CYP2R1: variants seen among roughly 807,000 people sequenced by gnomAD.
The protein encoded by CYP2R1 is cytochrome P450 family 2 subfamily R member 1.
In CYP2R1, 40 loss-of-function variants were observed where a neutral mutation model predicts 45.7. The ratio of observed to expected loss-of-function variants is 0.87; its 90% CI spans 0.68 to 1.14. The LOEUF (loss-of-function observed/expected upper bound fraction) is 1.14. Ranked by LOEUF, CYP2R1 falls within the 50% of genes most tolerant of loss-of-function variation. The pLI is 0.00. For missense variants in CYP2R1, 605 were observed against 602.6 expected (o/e 1.00, Z -0.04); for synonymous variants, 234 against 219.3 (o/e 1.07, Z -0.59).
chr11:14,877,509 G>A lies in CYP2R1; in HGVS notation c.*613C>T, dbSNP rs1206150280. ...AACTGCTATGAAGATGGACACTCAG[G>A]GTCACACAGACCCTCATTTATAAGA... On this transcript the variant is annotated 3_prime_UTR_variant, in exon 5 of 5. Coordinates refer to ENST00000334636, the MANE Select transcript of CYP2R1 (RefSeq NM_024514.5). The A allele has an allele frequency of 6.6e-6, 1 of 151,902 alleles. No homozygotes were observed. The highest frequency in any genetic ancestry group is 1.5e-5 in the Non-Finnish European group (1 of 67,992). 9.4% of individuals were successfully genotyped at this position (151,902 alleles called of 1,614,324 possible).
upstream of CYP2R1, chr11:14,892,326 C>T: frequency 1.0e-6 from 1 of 955,004 alleles, no homozygotes; most frequent in Non-Finnish European, 1.6e-6. Flanking sequence ...TGGCCATTGG[C>T]TGACTGAGTG....
rs555180485 is a variant in CYP2R1 at position 14,892,031 on chromosome 11, A to G, written c.175T>C (p.Ser59Pro). 4 of 1,613,206 alleles carry G rather than the reference A, an allele frequency of 2.5e-6. No homozygotes were observed. The East Asian group carries it at 8.9e-5, about 36-fold the overall frequency. The change falls in exon 1 of 5, where the codon TCC becomes CCC. Residue 59 changes from serine to proline, a missense_variant. Transcript: ENST00000334636. ...CTCATGTAGACATGGGGAAGCTCGG[A>G]TGAGGCTGCCAGGGAATAGATGTTG... ...IGNIYSLAAS[S>P]ELPHVYMRKQ...
chr11:14,891,203 C>T, intron 1 of CYP2R1: 1 of 985,362 alleles, frequency 1.0e-6, no homozygotes, highest in Non-Finnish European at 1.2e-6. Context: ...CATTTCCGTG[C>T]TGCTTTCCCC....
intron 2 of CYP2R1, among the ~76,000 whole-genome samples, chr11:14,884,739 C>T (rs1223256975): frequency 1.3e-5 from 2 of 151,394 alleles, no homozygotes; most frequent in Non-Finnish European, 3.0e-5. Flanking sequence ...AATTTTCTAC[C>T]TGGTTTTTAA....
Position 14,878,203 on chromosome 11 carries a change from A to T in CYP2R1, c.1425T>A (p.His475Gln), listed in dbSNP as rs1046098132. The change falls in exon 5 of 5, where the codon CAT (histidine) becomes CAA (glutamine). Residue 475 changes from histidine (H) to glutamine (Q), a missense_variant. By Grantham distance (24) the His-to-Gln change is conservative. Transcript: ENST00000334636. ...LLQRFHLHFPHELVPDLKPRL... is the reference protein window; with the variant it reads ...LLQRFHLHFPQELVPDLKPRL... ...TGGGCTTCAGATCTGGAACTAGTTC[A>T]TGTGGAAAATGCAAATGAAACCTCT... is the stretch of plus-strand genomic sequence containing the variant. 6.2e-7 allele frequency: 1 copy of T among 1,613,312 alleles called. No homozygotes were observed. Among genetic ancestry groups the T allele is most frequent in the Middle Eastern group, 1.7e-4 (1 of 6,050 alleles).
At position 14,879,111 on chromosome 11, in the gene CYP2R1, T is replaced by C. The variant is rs199703699; in HGVS notation, c.1330+3A>G. On this transcript the variant is annotated splice_donor_region_variant and intron_variant, in intron 4 of 4. Coordinates refer to ENST00000334636, the MANE Select transcript of CYP2R1 (RefSeq NM_024514.5). ...AAGTTACGCCCCGTGAAAGTTCTCTTACCTAGGGAAAAAGGAACCAAAGCT... is the reference window on the plus strand; with the variant it reads ...AAGTTACGCCCCGTGAAAGTTCTCTCACCTAGGGAAAAAGGAACCAAAGCT... 1.2e-6 allele frequency: 2 copies of C among 1,612,196 alleles called. No individual in the cohort carries two copies. The highest frequency in any genetic ancestry group is 1.7e-6 in the Non-Finnish European group (2 of 1,178,750).
At chr11:14,889,700 A>G (rs1035235919) in intron 1 of CYP2R1, among the ~76,000 whole-genome samples, 1 of 152,234 alleles carries the variant, frequency 6.6e-6, no homozygotes, top group African/African-American at 2.4e-5. Flanking sequence ...ATTCATAGTA[A>G]TACCGAGTGT....
intron 2 of CYP2R1, among the ~76,000 whole-genome samples, chr11:14,882,659 CAT>C (rs781862365): frequency 1.7e-4 from 26 of 152,078 alleles, no homozygotes; most frequent in Non-Finnish European, 3.2e-4. Context: ...CACATATCAA[CAT>C]AGTGTTGGAA....
chr11:14,890,748 C>A (rs1329375660), intron 1 of CYP2R1, among the ~76,000 whole-genome samples: 2 of 151,988 alleles, frequency 1.3e-5, no homozygotes, highest in African/African-American at 4.8e-5. Context: ...TGGGGTTTCA[C>A]CGTGTTAGCC....
At chr11:14,881,327 C>T (rs1555012254) in intron 2 of CYP2R1, among the ~76,000 whole-genome samples, 2 of 152,076 alleles carry the variant, frequency 1.3e-5, no homozygotes, top group African/African-American at 4.8e-5. Context: ...AAAGGGCAAA[C>T]ATGAAGCTCA....
intron 1 of CYP2R1, among the ~76,000 whole-genome samples, chr11:14,889,175 T>TC (rs1312384451): frequency 6.6e-6 from 1 of 151,892 alleles, no homozygotes; most frequent in East Asian, 1.9e-4. Flanking sequence ...TTTTTTTTTT[T>TC]TTTTCTGTGA....
chr11:14,880,764 T>A lies in CYP2R1; in HGVS notation c.372A>T (p.Leu124Phe), dbSNP rs782533448. 1 of 1,606,404 alleles carries A rather than the reference T, an allele frequency of 6.2e-7. No homozygotes were observed. The highest frequency in any genetic ancestry group is 8.5e-7 in the Non-Finnish European group (1 of 1,177,640). The change falls in exon 3 of 5, where the codon TTA (leucine) becomes TTT (phenylalanine). Residue 124 changes from leucine (L) to phenylalanine (F), a missense_variant. Coordinates refer to ENST00000334636, the MANE Select transcript of CYP2R1 (RefSeq NM_024514.5). Reference protein sequence around the residue: ...LFMKMTKMGGLLNSRYGRGWV... With the variant: ...LFMKMTKMGGFLNSRYGRGWV... ...ATCCTCGGCCATATCTGGAATTGAG[T>A]AAGCCTGAAAAAAAATATTAAAATA...
chr11:14,880,606 A>G lies in CYP2R1; in HGVS notation c.530T>C (p.Phe177Ser). 6.2e-7 allele frequency: 1 copy of G among 1,612,686 alleles called. No individual in the cohort carries two copies. The highest frequency in any genetic ancestry group is 1.3e-5 in the African/African-American group (1 of 75,006). Residue 177 changes from phenylalanine to serine, a missense_variant, in exon 3 of 5, where the codon TTT becomes TCT. Transcript: ENST00000334636. ...DAIETYKGRP[F>S]DFKQLITNAV... ...ATTCGTTATTAACTGTTTAAAGTCAAAAGGTCTACCTTTGTATGTTTCAAT... is the reference window on the plus strand; with the variant it reads ...ATTCGTTATTAACTGTTTAAAGTCAGAAGGTCTACCTTTGTATGTTTCAAT...
chr11:14,881,818 T>G (rs1194302618), intron 2 of CYP2R1, among the ~76,000 whole-genome samples: 2 of 152,082 alleles, frequency 1.3e-5, no homozygotes, highest in Admixed American at 1.3e-4. Context: ...GCCAGCACCA[T>G]GCTTCCTATA....
chr11:14,878,310 A>G lies in CYP2R1; in HGVS notation c.1331-13T>C. On this transcript the variant is annotated splice_polypyrimidine_tract_variant and intron_variant, in intron 4 of 4. Transcript: ENST00000334636. Reference sequence around the variant, plus strand: ...CAATGTCTTCTTCCTAAACAGAAAAAGCAGATACAATAATTTTTTAAACCC... The same window carrying G: ...CAATGTCTTCTTCCTAAACAGAAAAGGCAGATACAATAATTTTTTAAACCC... The G allele has an allele frequency of 1.2e-6, 2 of 1,612,178 alleles. No individual in the cohort carries two copies. The highest frequency in any genetic ancestry group is 1.7e-6 in the Non-Finnish European group (2 of 1,178,854).
rs782684024 is a variant in CYP2R1 at position 14,880,631 on chromosome 11, T to C, written c.505A>G (p.Ile169Val). Reference protein sequence around the residue: ...LEETKFFNDAIETYKGRPFDF... With the variant: ...LEETKFFNDAVETYKGRPFDF... The stretch of plus-strand genomic sequence containing the variant: ...AAAGGTCTACCTTTGTATGTTTCAA[T>C]AGCATCATTGAAAAATTTGGTTTCT... The change falls in exon 3 of 5, where the codon ATT (isoleucine) becomes GTT (valine). Residue 169 changes from isoleucine (I) to valine (V), a missense_variant. Transcript: ENST00000334636. The C allele has an allele frequency of 5.6e-6, 9 of 1,601,092 alleles. No individual in the cohort carries two copies. In the Admixed American group the frequency reaches 1.4e-4, roughly 25 times the overall value.
intron 1 of CYP2R1, chr11:14,886,143 C>A: frequency 1.8e-6 from 1 of 545,102 alleles, no homozygotes; most frequent in South Asian, 2.0e-5. Flanking sequence ...ACAGTCTTAC[C>A]AACAGTATAA....
chr11:14,878,346 C>A, intron 4 of CYP2R1, 49 bp from the exon 5 acceptor site: 1 of 1,561,198 alleles, frequency 6.4e-7, no homozygotes, highest in South Asian at 1.1e-5. Context: ...ACAATCTTTA[C>A]CAAAATTAAT....
intron 2 of CYP2R1, among the ~76,000 whole-genome samples, chr11:14,881,158 C>T (rs1465204564): frequency 4.6e-5 from 7 of 152,068 alleles, no homozygotes; most frequent in Admixed American, 1.3e-4. Flanking sequence ...CCTAAAAAAT[C>T]ATCCTTCTAG....
Sources: allele counts gnomAD v4.1 joint callset (sites outside exome capture counted in the v4.1 genomes callset), GRCh38; gene constraint gnomAD v4.1.1; transcripts MANE v1.5; gene names NCBI Gene and HGNC (gene_info 2026-07-23, HGNC 2026-07-21).